CLIP4: variants seen among roughly 807,000 people sequenced by gnomAD.
CLIP4 encodes CAP-Gly domain-containing linker protein 4.
CLIP4 carries 47 observed loss-of-function variants against 73.1 expected under a neutral mutation model. The observed-to-expected ratio is 0.64, with a 90% CI of 0.51 to 0.82. The LOEUF (loss-of-function observed/expected upper bound fraction) is 0.82. CLIP4 is among the 40% of genes least tolerant of loss of function. The pLI, the probability that CLIP4 is intolerant of heterozygous loss-of-function variation, is 0.00. For synonymous variants in CLIP4, 306 were observed against 295.4 expected (o/e 1.04, Z -0.37); for missense variants, 874 against 852.9 (o/e 1.02, Z -0.31).
At chr2:29,134,042 T>C (rs1473112972) in intron 5 of CLIP4, among the ~76,000 whole-genome samples, 1 of 152,110 alleles carries the variant, frequency 6.6e-6, no homozygotes, top group Non-Finnish European at 1.5e-5. Flanking sequence ...GAGTGTTCTC[T>C]GGGTTTTCAT....
rs879801775 is a variant in CLIP4 at position 29,168,968 on chromosome 2, C to CT, written c.1723+1440dup. 1.8e-3 allele frequency among the ~76,000 whole-genome samples: 250 copies of CT among 140,500 alleles called. 1 individual carries two copies. Among genetic ancestry groups the CT allele is most frequent in the South Asian group, 2.7e-3 (12 of 4,404 alleles). The allele number at this position is 140,500 out of a possible 152,430, so 92.2% of individuals were successfully genotyped here. A position where few individuals can be genotyped will look rare whatever the true frequency, so the allele number is the denominator to read the frequency against. On this transcript the variant is annotated intron_variant, in intron 14 of 15. Coordinates refer to ENST00000320081, the MANE Select transcript of CLIP4 (RefSeq NM_024692.6). ...TTTGTGTATGGTAAGTATCTAATTT[C>CT]TTTTTTTTTTTTGCATGGATAACCA...
At chr2:29,137,634 A>G (rs1572924480) in intron 6 of CLIP4, among the ~76,000 whole-genome samples, 4 of 152,180 alleles carry the variant, frequency 2.6e-5, no homozygotes, top group South Asian at 4.1e-4. Flanking sequence ...TTACATTCCC[A>G]CTAACAGTGT....
At chr2:29,169,241 G>T (rs1037828662) in intron 14 of CLIP4, among the ~76,000 whole-genome samples, 1 of 152,046 alleles carries the variant, frequency 6.6e-6, no homozygotes, top group African/African-American at 2.4e-5. Context: ...TGAGATCAAG[G>T]TGTTGGCAGG....
intron 2 of CLIP4, among the ~76,000 whole-genome samples, chr2:29,122,240 C>CTTTTTTTTTTTTT (rs11359647): frequency 1.5e-5 from 2 of 135,274 alleles, no homozygotes; most frequent in African/African-American, 2.7e-5. Context: ...CTCCAAGTTT[C>CTTTTTTTTTTTTT]TTTTTTTTTT....
At chr2:29,118,263 A>G (rs931211106) in intron 1 of CLIP4, 1 of 152,222 alleles carries the variant, frequency 6.6e-6, no homozygotes, top group African/African-American at 2.4e-5. Flanking sequence ...TGGGGTCCAG[A>G]CAGTCCTGAA....
In CLIP4 at chr2:29,121,367, A is replaced by C. The variant is rs758407269; in HGVS notation, c.-15-7A>C. 6.9e-6 allele frequency: 11 copies of C among 1,584,920 alleles called. No individual in the cohort carries two copies. The Admixed American group carries it at 9.7e-5, about 14-fold the overall frequency. The stretch of plus-strand genomic sequence containing the variant: ...TAGAAACACTTTTTTTTTCTTTCTT[A>C]TTATAGGTGGCTTTCTAGAAGATGA... On this transcript the variant is annotated splice_polypyrimidine_tract_variant and splice_region_variant and intron_variant, in intron 1 of 15. Transcript: ENST00000320081.
chr2:29,167,841 C>G (rs1304819154), intron 14 of CLIP4: 1 of 229,194 alleles, frequency 4.4e-6, no homozygotes, highest in Non-Finnish European at 8.4e-6. Context: ...ATTTTTGTCA[C>G]CCATATATAG....
chr2:29,104,773 C>T (rs1668154345), intron 1 of CLIP4, among the ~76,000 whole-genome samples: 1 of 152,196 alleles, frequency 6.6e-6, no homozygotes, highest in Non-Finnish European at 1.5e-5. Context: ...AACAATGCCT[C>T]TAAATTGCTG....
chr2:29,169,629 C>T (rs142380200), intron 14 of CLIP4, among the ~76,000 whole-genome samples: 9 of 151,932 alleles, frequency 5.9e-5, no homozygotes, highest in Non-Finnish European at 1.0e-4. Flanking sequence ...TTTTTATTGA[C>T]GTAGTTGTAC....
At chr2:29,124,278 G>A (rs192112299) in intron 2 of CLIP4, among the ~76,000 whole-genome samples, 12 of 152,250 alleles carry the variant, frequency 7.9e-5, no homozygotes, top group Middle Eastern at 6.8e-3. Flanking sequence ...AGAATTATAG[G>A]TTGGTAGTTT....
chr2:29,102,318 G>A (rs1477763040), intron 1 of CLIP4, among the ~76,000 whole-genome samples: 1 of 152,078 alleles, frequency 6.6e-6, no homozygotes, highest in Non-Finnish European at 1.5e-5. Context: ...GCAGGGACAC[G>A]AGAAAGTTTT....
chr2:29,159,616 G>A (rs1667153310), intron 11 of CLIP4, among the ~76,000 whole-genome samples: 1 of 150,620 alleles, frequency 6.6e-6, no homozygotes, highest in African/African-American at 2.4e-5. Context: ...GGAAGCTGAG[G>A]TGGGAGGATC....
intron 7 of CLIP4, 32 bp downstream of exon 7, chr2:29,143,977 G>C (rs888661823): frequency 1.9e-6 from 3 of 1,574,402 alleles, no homozygotes; most frequent in Non-Finnish European, 2.6e-6. Flanking sequence ...TCTGAAGCCA[G>C]GGTTGTTATG....
At chr2:29,156,634 G>C (rs1199547673) in intron 10 of CLIP4, among the ~76,000 whole-genome samples, 191 bp downstream of exon 10, 7 of 152,156 alleles carry the variant, frequency 4.6e-5, no homozygotes, top group Non-Finnish European at 1.0e-4. Flanking sequence ...TGTGTGTAAA[G>C]TACTGCATTA....
chr2:29,131,781 T>A, intron 3 of CLIP4: 1 of 241,160 alleles, frequency 4.1e-6, no homozygotes. Context: ...AATATTAGAT[T>A]TTTTGAGGGA....
rs751468306 is a variant in CLIP4 at position 29,181,706 on chromosome 2, G to A, written c.1931G>A (p.Gly644Asp). ...GAGATGGGTACTGTTAGGTATGTGG[G>A]CCCCACTGACTTTGCTTCAGGTATC... The part of the protein sequence containing the change: ...SNEMGTVRYV[G>D]PTDFASGIWL... Residue 644 changes from glycine (G) to aspartate (D), a missense_variant, in exon 16 of 16, where the codon GGC becomes GAC. By Grantham distance (94) the Gly-to-Asp change is moderately conservative. Coordinates refer to ENST00000320081, the MANE Select transcript of CLIP4 (RefSeq NM_024692.6). 3 of 1,614,136 alleles carry A rather than the reference G, an allele frequency of 1.9e-6. No individual in the cohort carries two copies. The highest frequency in any genetic ancestry group is 1.7e-6 in the Non-Finnish European group (2 of 1,180,014).
At chr2:29,178,186 T>A (rs374804044) in intron 15 of CLIP4, among the ~76,000 whole-genome samples, 3 of 152,214 alleles carry the variant, frequency 2.0e-5, no homozygotes, top group Admixed American at 6.5e-5. Context: ...GTCTGAATTT[T>A]TTTTTTTTTT....
intron 15 of CLIP4, among the ~76,000 whole-genome samples, chr2:29,177,407 C>CAAA (rs58183066): frequency 2.2e-5 from 3 of 136,578 alleles, no homozygotes; most frequent in East Asian, 2.2e-4. Context: ...GACTCCGTCT[C>CAAA]AAAAAAAAAA....
At chr2:29,120,167 G>A (rs939108166) in intron 1 of CLIP4, among the ~76,000 whole-genome samples, 1 of 152,122 alleles carries the variant, frequency 6.6e-6, no homozygotes, top group Non-Finnish European at 1.5e-5. Context: ...AGTAATTTTA[G>A]CATCCAAGAA....
Sources: allele counts gnomAD v4.1 joint callset (sites outside exome capture counted in the v4.1 genomes callset), GRCh38; gene constraint gnomAD v4.1.1; transcripts MANE v1.5; gene names NCBI Gene and HGNC (gene_info 2026-07-23, HGNC 2026-07-21).